The following PRKG1 variants were observed in gnomAD, a reference collection of about 807,000 sequenced individuals.
PRKG1 encodes cGMP-dependent protein kinase 1.
PRKG1 carries 35 observed loss-of-function variants against 88.1 expected under a neutral mutation model. The observed-to-expected ratio is 0.40, with a 90% CI of 0.30 to 0.53. The LOEUF (loss-of-function observed/expected upper bound fraction) is 0.53. Ranked by LOEUF, PRKG1 falls within the 20% of genes least tolerant of loss-of-function variation. The pLI is 0.59. For missense variants in PRKG1, 540 were observed against 839.8 expected (o/e 0.64, Z 4.41); for synonymous variants, 303 against 292.5 (o/e 1.04, Z -0.37).
chr10:51,360,815 A>G (rs1363774503), intron 2 of PRKG1, among the ~76,000 whole-genome samples: 1 of 151,904 alleles, frequency 6.6e-6, no homozygotes, highest in Non-Finnish European at 1.5e-5. Context: ...GTTTTAGAGC[A>G]GGCAACACAT....
Position 51,785,255 on chromosome 10 carries a change from G to A in PRKG1, c.593-19330G>A, listed in dbSNP as rs10999453. On this transcript the variant is annotated intron_variant, in intron 3 of 17. Transcript: ENST00000373980. ...TGAAGGGAAGATCAGGAGTGATTTT[G>A]AGTATAACCTCTAGTGTTTCCAGGT... Among the ~76,000 whole-genome samples the A allele has an allele frequency of 3.9e-3, 597 of 151,952 alleles. 5 individuals carry two copies. The highest frequency in any genetic ancestry group is 0.013 in the African/African-American group (559 of 41,436).
chr10:51,472,320 A>T (rs1035924885), intron 3 of PRKG1, among the ~76,000 whole-genome samples: 4 of 151,922 alleles, frequency 2.6e-5, no homozygotes, highest in Non-Finnish European at 1.5e-5. Flanking sequence ...CATTATTCAA[A>T]CTGTATCAGA....
intron 3 of PRKG1, among the ~76,000 whole-genome samples, chr10:51,792,552 G>T (rs1317994129): frequency 1.3e-5 from 2 of 152,140 alleles, no homozygotes; most frequent in African/African-American, 4.8e-5. Flanking sequence ...TTAACAAGGA[G>T]TGCAAGGAGA....
chr10:51,316,130 A>G (rs1841310251), intron 2 of PRKG1, among the ~76,000 whole-genome samples: 1 of 152,192 alleles, frequency 6.6e-6, no homozygotes, highest in Non-Finnish European at 1.5e-5. Context: ...ATTTTATCTC[A>G]TTTTGAATGG....
intron 2 of PRKG1, among the ~76,000 whole-genome samples, chr10:51,373,500 C>T (rs907948775): frequency 6.6e-6 from 1 of 152,076 alleles, no homozygotes; most frequent in African/African-American, 2.4e-5. Context: ...CATAGATAAA[C>T]GTGTGCCATG....
chr10:51,543,489 A>G lies in PRKG1; in HGVS notation c.592+75653A>G, dbSNP rs146244451. 6.2e-4 allele frequency among the ~76,000 whole-genome samples: 94 copies of G among 152,326 alleles called. 2 individuals are homozygous for G. The East Asian group carries it at 0.016, about 27-fold the overall frequency. Reference sequence around the variant, plus strand: ...CACATGCAGGTAACCCTATGAGTAGAGAGAGTAGTGGGGCTCAGTGTTTTT... The same window carrying G: ...CACATGCAGGTAACCCTATGAGTAGGGAGAGTAGTGGGGCTCAGTGTTTTT... On this transcript the variant is annotated intron_variant, in intron 3 of 17. Coordinates refer to ENST00000373980, the MANE Select transcript of PRKG1 (RefSeq NM_006258.4).
At chr10:51,974,796 C>G (rs1843789871) in intron 5 of PRKG1, among the ~76,000 whole-genome samples, 1 of 152,028 alleles carries the variant, frequency 6.6e-6, no homozygotes, top group Non-Finnish European at 1.5e-5. Flanking sequence ...AACATTCTGC[C>G]TTTTTAATAG....
At chr10:51,003,169 AACAACAAC>A (rs1842907115) in intron 1 of PRKG1, among the ~76,000 whole-genome samples, 1 of 1,848 alleles carries the variant, frequency 5.4e-4, no homozygotes, top group African/African-American at 0.01. Context: ...GGGCCAAAAC[AACAACAAC>A]AACAACAACA....
chr10:52,262,430 C>T (rs1317704139), intron 10 of PRKG1, among the ~76,000 whole-genome samples: 2 of 151,998 alleles, frequency 1.3e-5, no homozygotes, highest in South Asian at 4.1e-4. Flanking sequence ...ACTGCCATGC[C>T]TGGCTAATTT....
intron 2 of PRKG1, chr10:51,244,932 A>G (rs1218680278): frequency 1.3e-5 from 2 of 151,738 alleles, no homozygotes; most frequent in Non-Finnish European, 2.9e-5. Context: ...CTGGGACTAC[A>G]TTCCTGAGCC....
intron 5 of PRKG1, among the ~76,000 whole-genome samples, chr10:51,955,214 T>C (rs1268136220): frequency 2.6e-5 from 4 of 152,072 alleles, no homozygotes; most frequent in Admixed American, 2.6e-4. Flanking sequence ...AGCTCACTAG[T>C]GGGAAGTTGT....
chr10:51,194,375 C>T (rs924307709), intron 2 of PRKG1, among the ~76,000 whole-genome samples: 3 of 151,920 alleles, frequency 2.0e-5, no homozygotes, highest in Non-Finnish European at 4.4e-5. Flanking sequence ...TCTCCTAATG[C>T]TATCCCTTCC....
In PRKG1 at chr10:51,554,017, CGT is replaced by C. The variant is rs2132133828; in HGVS notation, c.592+86182_592+86183del. Among the ~76,000 whole-genome samples, 5 of 126,918 alleles carry C rather than the reference CGT, an allele frequency of 3.9e-5. 1 individual carries two copies. Among genetic ancestry groups the C allele is most frequent in the African/African-American group, 1.6e-4 (5 of 31,546 alleles). 83.3% of individuals were successfully genotyped at this position (126,918 alleles called of 152,430 possible). On this transcript the variant is annotated intron_variant, in intron 3 of 17. Coordinates refer to ENST00000373980, the MANE Select transcript of PRKG1 (RefSeq NM_006258.4). ...ATGTGATACGTGCATATTATATGTG[CGT>C]ATGTGATACGTGTATATATTATATG...
chr10:51,015,355 G>A (rs1329909180), intron 1 of PRKG1, among the ~76,000 whole-genome samples: 1 of 152,048 alleles, frequency 6.6e-6, no homozygotes, highest in Non-Finnish European at 1.5e-5. Context: ...TGAGACTGTT[G>A]TATATCAAAC....
chr10:51,524,709 G>A (rs984687546), intron 3 of PRKG1, among the ~76,000 whole-genome samples: 1 of 152,182 alleles, frequency 6.6e-6, no homozygotes, highest in African/African-American at 2.4e-5. Flanking sequence ...ACAAGTGTGG[G>A]TGATGTATAA....
intron 1 of PRKG1, among the ~76,000 whole-genome samples, chr10:51,125,936 T>G (rs1845387073): frequency 7.6e-6 from 1 of 132,362 alleles, no homozygotes; most frequent in Non-Finnish European, 1.5e-5. Flanking sequence ...AATTATATGA[T>G]TTATAAATAT....
At chr10:51,966,070 G>A (rs1843560487) in intron 5 of PRKG1, among the ~76,000 whole-genome samples, 2 of 152,026 alleles carry the variant, frequency 1.3e-5, no homozygotes. Context: ...AATAATCAAT[G>A]TAAATGTTTT....
intron 6 of PRKG1, among the ~76,000 whole-genome samples, chr10:52,061,810 T>C (rs187025694): frequency 2.0e-5 from 3 of 152,210 alleles, no homozygotes; most frequent in Non-Finnish European, 4.4e-5. Flanking sequence ...TTGAGGGATA[T>C]AGTCAGTTAC....
At position 51,416,166 on chromosome 10, in the gene PRKG1, T is replaced by C. The variant is rs1290242441; in HGVS notation, c.479-51557T>C. 3.3e-5 allele frequency among the ~76,000 whole-genome samples: 5 copies of C among 152,324 alleles called. No homozygotes were observed. In the East Asian group the frequency reaches 9.6e-4, roughly 29 times the overall value. On this transcript the variant is annotated intron_variant, in intron 2 of 17. Transcript: ENST00000373980. Reference sequence around the variant, plus strand: ...GTTGTGAATTTTATTTTGTATTTAGTGGCAGAAGATGAAATGATTCCAGAA... The same window carrying C: ...GTTGTGAATTTTATTTTGTATTTAGCGGCAGAAGATGAAATGATTCCAGAA...
Sources: gnomAD v4.1 joint callset for allele counts (sites outside exome capture counted in the v4.1 genomes callset) on GRCh38, gnomAD v4.1.1 for gene constraint, MANE v1.5 for transcripts, NCBI Gene and HGNC (gene_info 2026-07-23, HGNC 2026-07-21) for gene names.